Variants in TTC28 observed in about 807,000 individuals in gnomAD.
TTC28 encodes the protein tetratricopeptide repeat domain 28.
TTC28 carries 61 observed loss-of-function variants against 198.0 expected under a neutral mutation model. That is an observed-to-expected ratio of 0.31 (90% CI 0.25 to 0.38). The LOEUF (loss-of-function observed/expected upper bound fraction) is 0.38. Among genes scored for constraint, TTC28 ranks in the 10% least tolerant of loss-of-function variants. The pLI, the probability that TTC28 is intolerant of heterozygous loss-of-function variation, is 1.00. For missense variants in TTC28, 2,678 were observed against 3,164.0 expected, an observed-to-expected ratio of 0.85 and a Z score of 3.69; for synonymous variants, 1,171 against 1,297.8, an observed-to-expected ratio of 0.90 and a Z score of 2.10.
At chr22:28,144,234 T>A (rs759812046) in intron 6 of TTC28, among the ~76,000 whole-genome samples, 8 of 152,224 alleles carry the variant, frequency 5.3e-5, no homozygotes, top group Middle Eastern at 3.2e-3. Flanking sequence ...ACACAGCTCA[T>A]AAATGGCAGA....
chr22:28,342,000 T>TA (rs1420402829), intron 2 of TTC28, among the ~76,000 whole-genome samples: 1 of 151,922 alleles, frequency 6.6e-6, no homozygotes, highest in Non-Finnish European at 1.5e-5. Flanking sequence ...GAAAAAAATT[T>TA]AAAAAACAAA....
At chr22:28,338,571 C>T (rs1336589307) in intron 2 of TTC28, among the ~76,000 whole-genome samples, 1 of 152,120 alleles carries the variant, frequency 6.6e-6, no homozygotes, top group Non-Finnish European at 1.5e-5. Context: ...CTTCTCTTCT[C>T]GCTTCATTTC....
intron 6 of TTC28, among the ~76,000 whole-genome samples, chr22:28,130,140 T>G (rs1943024479): frequency 1.3e-5 from 2 of 152,148 alleles, no homozygotes; most frequent in South Asian, 4.1e-4. Flanking sequence ...ATATGGAAAA[T>G]TCAAAGTTTA....
At chr22:28,481,742 T>C (rs1020298159) in intron 2 of TTC28, among the ~76,000 whole-genome samples, 2 of 152,188 alleles carry the variant, frequency 1.3e-5, no homozygotes, top group African/African-American at 4.8e-5. Flanking sequence ...ATTGTTCTCC[T>C]CCTTCATTCC....
intron 2 of TTC28, among the ~76,000 whole-genome samples, chr22:28,412,538 T>C (rs1216291437): frequency 2.6e-5 from 4 of 152,204 alleles, no homozygotes; most frequent in East Asian, 1.9e-4. Flanking sequence ...TCCAATCAAA[T>C]GTATGATGAT....
chr22:28,629,836 A>C lies in TTC28; in HGVS notation c.103-6T>G. On this transcript the variant is annotated splice_region_variant and splice_polypyrimidine_tract_variant and intron_variant, in intron 1 of 22. Coordinates refer to ENST00000397906, the MANE Select transcript of TTC28 (RefSeq NM_001145418.2). ...TCAGCACCAAAGAGAGGAATCTACA[A>C]ACAAAGAAACTTTATCAGAAAAAGT... 6.5e-7 allele frequency: 1 copy of C among 1,540,494 alleles called. No homozygotes were observed. Among genetic ancestry groups the C allele is most frequent in the South Asian group, 1.2e-5 (1 of 82,242 alleles).
chr22:28,601,408 T>C (rs961040037), intron 2 of TTC28, among the ~76,000 whole-genome samples: 5 of 152,116 alleles, frequency 3.3e-5, no homozygotes, highest in African/African-American at 7.2e-5. Context: ...ACTAAAAACC[T>C]TTTTGAAAAA....
intron 2 of TTC28, among the ~76,000 whole-genome samples, chr22:28,397,581 C>T (rs960649852): frequency 1.3e-5 from 2 of 152,174 alleles, no homozygotes; most frequent in Non-Finnish European, 2.9e-5. Context: ...TTCTGATAGA[C>T]ATCAAGACTC....
At chr22:28,419,291 T>A (rs551947138) in intron 2 of TTC28, among the ~76,000 whole-genome samples, 2 of 152,314 alleles carry the variant, frequency 1.3e-5, no homozygotes, top group Admixed American at 6.5e-5. Context: ...CTTCTCTGAT[T>A]CCTCAAGCAG....
rs528076511 is a variant in TTC28, at chr22:28,073,871, C to T, written c.3932+20209G>A. ...ACGGGCAGTATAAAAAACAGAACCACCCCAGTTTACCCACAGACCCAGAAC... is the reference window on the plus strand; with the variant it reads ...ACGGGCAGTATAAAAAACAGAACCATCCCAGTTTACCCACAGACCCAGAAC... On this transcript the variant is annotated intron_variant, in intron 12 of 22. Coordinates refer to ENST00000397906, the MANE Select transcript of TTC28 (RefSeq NM_001145418.2). 3.9e-5 allele frequency among the ~76,000 whole-genome samples: 6 copies of T among 152,286 alleles called. No homozygotes were observed. The South Asian group carries it at 1.2e-3, about 32-fold the overall frequency.
intron 5 of TTC28, among the ~76,000 whole-genome samples, chr22:28,196,067 T>G (rs377232573): frequency 5.3e-5 from 8 of 151,744 alleles, no homozygotes; most frequent in Non-Finnish European, 1.2e-4. Flanking sequence ...CAAAACAGCA[T>G]GGTACTGGTA....
chr22:28,393,721 C>G (rs543864411), intron 2 of TTC28, among the ~76,000 whole-genome samples: 1 of 152,148 alleles, frequency 6.6e-6, no homozygotes, highest in East Asian at 1.9e-4. Context: ...AAAAACAAAG[C>G]AAAACGGCTT....
At chr22:28,020,583 T>G (rs1050261723) in intron 13 of TTC28, among the ~76,000 whole-genome samples, 2 of 152,062 alleles carry the variant, frequency 1.3e-5, no homozygotes, top group African/African-American at 4.8e-5. Flanking sequence ...TCAGGGAGGA[T>G]GAAGGGCTCT....
chr22:28,441,237 G>T (rs1380231589), intron 2 of TTC28, among the ~76,000 whole-genome samples: 1 of 152,162 alleles, frequency 6.6e-6, no homozygotes, highest in African/African-American at 2.4e-5. Flanking sequence ...GGGTAAAATA[G>T]AAAAAGCAGA....
At chr22:28,563,759 A>G (rs903097490) in intron 2 of TTC28, among the ~76,000 whole-genome samples, 5 of 152,232 alleles carry the variant, frequency 3.3e-5, no homozygotes, top group Non-Finnish European at 5.9e-5. Context: ...AGAGTCAAAC[A>G]TAGAATTACT....
chr22:28,120,085 A>C (rs1011907590), intron 6 of TTC28, among the ~76,000 whole-genome samples: 2 of 152,122 alleles, frequency 1.3e-5, no homozygotes, highest in African/African-American at 4.8e-5. Context: ...ATAATAAAAA[A>C]CAGTAGTAGC....
chr22:28,500,657 C>T (rs373131454), intron 2 of TTC28, among the ~76,000 whole-genome samples: 27 of 152,194 alleles, frequency 1.8e-4, no homozygotes, highest in South Asian at 1.5e-3. Flanking sequence ...TTAAAGACTA[C>T]GATATGCAGA....
chr22:28,540,137 G>A (rs922969047), intron 2 of TTC28, among the ~76,000 whole-genome samples: 2 of 151,918 alleles, frequency 1.3e-5, no homozygotes, highest in East Asian at 1.9e-4. Flanking sequence ...TAGTAGAGAC[G>A]GGGTTTCATC....
intron 6 of TTC28, among the ~76,000 whole-genome samples, chr22:28,162,399 G>T (rs986462513): frequency 6.6e-6 from 1 of 152,162 alleles, no homozygotes; most frequent in Non-Finnish European, 1.5e-5. Context: ...AGAAATCCCT[G>T]TAAGCAAAAA....
Sources: gnomAD v4.1 joint callset for allele counts (sites outside exome capture counted in the v4.1 genomes callset) on GRCh38, gnomAD v4.1.1 for gene constraint, MANE v1.5 for transcripts, NCBI Gene and HGNC (gene_info 2026-07-23, HGNC 2026-07-21) for gene names.